WEE2: variants seen among roughly 807,000 people sequenced by gnomAD.
The protein encoded by WEE2 is wee1-like protein kinase 2.
Under a neutral mutation model 60.1 loss-of-function variants are expected in WEE2, and 50 were observed. That is an observed-to-expected ratio of 0.83 (90% CI 0.66 to 1.05). The LOEUF (loss-of-function observed/expected upper bound fraction) is 1.05, where lower values mean the gene tolerates loss of function less well. Among genes scored for constraint, WEE2 ranks in the 50% least tolerant of loss-of-function variants. The pLI is 0.00. For missense variants in WEE2, 631 were observed against 684.3 expected (o/e 0.92, Z 0.87); for synonymous variants, 240 against 241.0 (o/e 1.00, Z 0.04).
intron 1 of WEE2, among the ~76,000 whole-genome samples, chr7:141,710,070 G>C (rs1798687548): frequency 1.3e-5 from 2 of 152,156 alleles, no homozygotes; most frequent in African/African-American, 4.8e-5. Context: ...TTGAATTGTA[G>C]AAAAACTAAT....
Position 141,723,812 on chromosome 7 carries a change from A to AC in WEE2, c.1028-127dup, listed in dbSNP as rs201430661. ...ATGTGAGATTTCATACAAAAAAAAA[A>AC]CCTTAGTAGTCTATGTCCACACAAA... On this transcript the variant is annotated intron_variant, in intron 6 of 11. Coordinates refer to ENST00000397541, the MANE Select transcript of WEE2 (RefSeq NM_001105558.1). The AC allele has an allele frequency of 1.6e-3, 949 of 605,206 alleles. 5 individuals carry two copies. Among genetic ancestry groups the AC allele is most frequent in the African/African-American group, 6.4e-3 (335 of 52,702 alleles). The allele number at this position is 605,206 out of a possible 1,614,324, so 37.5% of individuals were successfully genotyped here. A position where few individuals can be genotyped will look rare whatever the true frequency, so the allele number is the denominator to read the frequency against.
chr7:141,721,828 G>C (rs1055838934), intron 5 of WEE2, among the ~76,000 whole-genome samples: 3 of 151,998 alleles, frequency 2.0e-5, no homozygotes, highest in Non-Finnish European at 4.4e-5. Flanking sequence ...TAATTAATAC[G>C]TCATATATAG....
At chr7:141,717,324 A>AAAC (rs1798821530) in intron 3 of WEE2, among the ~76,000 whole-genome samples, 1 of 152,234 alleles carries the variant, frequency 6.6e-6, no homozygotes, top group Non-Finnish European at 1.5e-5. Context: ...GCACTTGGCT[A>AAAC]TTGTAAACAT....
intron 3 of WEE2, among the ~76,000 whole-genome samples, chr7:141,717,389 C>T (rs1798824455): frequency 6.6e-6 from 1 of 152,226 alleles, no homozygotes; most frequent in South Asian, 2.1e-4. Context: ...ATGTTTCTGA[C>T]TTATGCCTCC....
Position 141,729,582 on chromosome 7 carries a change from T to TG in WEE2, c.1589dup (p.Asp531Ter). ...AGTCACCCCAGGGATATACCCATCA[T>TG]GGTGACACTGGGGTCTCTGGGACCC... On this transcript the variant is annotated frameshift_variant, in exon 11 of 12. Coordinates refer to ENST00000397541, the MANE Select transcript of WEE2 (RefSeq NM_001105558.1). LOFTEE classifies it high-confidence loss of function. 1 of 1,614,240 alleles carries TG rather than the reference T, an allele frequency of 6.2e-7. No homozygotes were observed. Among genetic ancestry groups the TG allele is most frequent in the Non-Finnish European group, 8.5e-7 (1 of 1,180,040 alleles).
chr7:141,729,902 C>A (rs1022069502), intron 11 of WEE2, among the ~76,000 whole-genome samples: 1 of 150,974 alleles, frequency 6.6e-6, no homozygotes, highest in South Asian at 2.1e-4. Flanking sequence ...GAAGGAGAAT[C>A]GCTTGAACCC....
chr7:141,723,719 A>G (rs1411197757), intron 6 of WEE2, among the ~76,000 whole-genome samples: 1 of 152,164 alleles, frequency 6.6e-6, no homozygotes, highest in Non-Finnish European at 1.5e-5. Context: ...GTCCCATCAG[A>G]GAATGGAGAA....
chr7:141,721,272 T>C (rs1584743276), intron 5 of WEE2, among the ~76,000 whole-genome samples: 1 of 152,322 alleles, frequency 6.6e-6, no homozygotes, highest in African/African-American at 2.4e-5. Flanking sequence ...GTTGTCAGGA[T>C]AATCATTCAG....
At chr7:141,717,609 G>A (rs1346849600) in intron 3 of WEE2, among the ~76,000 whole-genome samples, 8 of 151,934 alleles carry the variant, frequency 5.3e-5, no homozygotes, top group African/African-American at 1.9e-4. Flanking sequence ...TGAGATATAT[G>A]TATTTGTGTA....
Position 141,716,279 on chromosome 7 carries a change from T to C in WEE2, c.585+12T>C. 1 of 1,612,630 alleles carries C rather than the reference T, an allele frequency of 6.2e-7. No homozygotes were observed. The highest frequency in any genetic ancestry group is 8.5e-7 in the Non-Finnish European group (1 of 1,179,272). ...GGCTGCCTGCCAAGGTAAGCGTAGT[T>C]CTTTGTCCCAGCGGCCACAATATAG... On this transcript the variant is annotated intron_variant, in intron 3 of 11. Transcript: ENST00000397541.
At position 141,729,711 on chromosome 7, in the gene WEE2, G is replaced by A. The variant is rs59373896; in HGVS notation, c.1678+38G>A. The A allele has an allele frequency of 1.6e-3, 2,589 of 1,590,028 alleles. 24 individuals carry two copies. The African/African-American group carries it at 0.028, about 17-fold the overall frequency. Reference sequence around the variant, plus strand: ...CCCCTTAAGAACTCATTTTGCAGCCGGGCGTGGTGGCTCACGCCTGTAATC... The same window carrying A: ...CCCCTTAAGAACTCATTTTGCAGCCAGGCGTGGTGGCTCACGCCTGTAATC... On this transcript the variant is annotated intron_variant, in intron 11 of 11. Transcript: ENST00000397541.
At chr7:141,713,780 C>T (rs1798746799) in intron 1 of WEE2, among the ~76,000 whole-genome samples, 1 of 152,192 alleles carries the variant, frequency 6.6e-6, no homozygotes, top group African/African-American at 2.4e-5. Context: ...TCTAACCCAG[C>T]ATCTGCTACA....
At chr7:141,720,508 T>C (rs1798891194) in intron 4 of WEE2, among the ~76,000 whole-genome samples, 1 of 152,178 alleles carries the variant, frequency 6.6e-6, no homozygotes, top group Admixed American at 6.5e-5. Context: ...CCCATTGCAA[T>C]ATCCACAATC....
intron 5 of WEE2, among the ~76,000 whole-genome samples, 186 bp from the exon 6 acceptor site, chr7:141,722,948 T>C (rs1262657314): frequency 6.6e-6 from 1 of 152,236 alleles, no homozygotes; most frequent in Non-Finnish European, 1.5e-5. Context: ...ACTGAAGGCA[T>C]TCATGAGGAA....
rs571669259 is a variant in WEE2 at position 141,722,187 on chromosome 7, C to T, written c.881-947C>T. Among the ~76,000 whole-genome samples, 8 of 152,158 alleles carry T rather than the reference C, an allele frequency of 5.3e-5. No individual in the cohort carries two copies. The South Asian group carries it at 1.0e-3, about 20-fold the overall frequency. On this transcript the variant is annotated intron_variant, in intron 5 of 11. Transcript: ENST00000397541. ...TTGGGAGGCCGAGGCGGGCAGATCA[C>T]GAGGTCAGAAGTTCGAGACGAGCCT... is the stretch of plus-strand genomic sequence containing the variant.
Position 141,714,383 on chromosome 7 carries a change from A to T in WEE2, c.517A>T (p.Lys173Ter). Residue 173 changes from lysine to a stop codon, truncating the protein, a stop_gained, in exon 2 of 12, where the codon AAG (lysine) becomes TAG (stop). Coordinates refer to ENST00000397541, the MANE Select transcript of WEE2 (RefSeq NM_001105558.1). LOFTEE classifies it high-confidence loss of function. The part of the protein sequence containing the change: ...YKKLFLQSGG[K>*]RKIRGDLEEA... ...AAAATTATTTCTTCAATCTGGTGGC[A>T]AGAGGAAAATAAGAGGAGATCTGTA... 6.2e-7 allele frequency: 1 copy of T among 1,611,462 alleles called. No homozygotes were observed.
chr7:141,730,007 A>AT (rs1799110062), intron 11 of WEE2, among the ~76,000 whole-genome samples: 1 of 151,780 alleles, frequency 6.6e-6, no homozygotes, highest in Non-Finnish European at 1.5e-5. Context: ...AAAAAAAAAA[A>AT]AAACTCATTC....
intron 2 of WEE2, 30 bp downstream of exon 2, chr7:141,714,435 G>A: frequency 1.3e-6 from 2 of 1,539,062 alleles, no homozygotes; most frequent in South Asian, 1.2e-5. Flanking sequence ...TGACTTTTGA[G>A]AACTGACCCT....
In WEE2 at chr7:141,708,884, G is replaced by A; in HGVS notation, c.126G>A (p.Glu42=). Reference sequence around the variant, plus strand: ...GGGAGGCTTCGAGCCAAACCCCAGAGAAGGGTGAAGTGCAGGATTCAGAGG... The same window carrying A: ...GGGAGGCTTCGAGCCAAACCCCAGAAAAGGGTGAAGTGCAGGATTCAGAGG... ...ESREASSQTP[E]KGEVQDSEAK... is the part of the protein sequence containing the mutation. Residue 42 remains glutamate (E), a synonymous_variant, in exon 1 of 12, where the codon GAG becomes GAA. Transcript: ENST00000397541. 16 of 1,614,188 alleles carry A rather than the reference G, an allele frequency of 9.9e-6. No homozygotes were observed. The highest frequency in any genetic ancestry group is 1.4e-5 in the Non-Finnish European group (16 of 1,180,026).
Sources: gnomAD v4.1 joint callset for allele counts (sites outside exome capture counted in the v4.1 genomes callset) on GRCh38, gnomAD v4.1.1 for gene constraint, MANE v1.5 for transcripts, NCBI Gene and HGNC (gene_info 2026-07-23, HGNC 2026-07-21) for gene names.